Variants in ADAMTSL1 observed in about 807,000 individuals in gnomAD.
The protein encoded by ADAMTSL1 is ADAMTS-like protein 1.
In ADAMTSL1, 126 loss-of-function variants were observed where a neutral mutation model predicts 201.8. The observed-to-expected ratio is 0.62, with a 90% CI of 0.54 to 0.72. The LOEUF (loss-of-function observed/expected upper bound fraction) is 0.72. Ranked by LOEUF, ADAMTSL1 falls within the 30% of genes least tolerant of loss-of-function variation. The pLI, the probability that ADAMTSL1 is intolerant of heterozygous loss-of-function variation, is 0.00. For synonymous variants in ADAMTSL1, 1,121 were observed against 903.4 expected, an observed-to-expected ratio of 1.24 and a Z score of -4.32; for missense variants, 2,679 against 2,277.8, an observed-to-expected ratio of 1.18 and a Z score of -3.59.
At chr9:18,562,764 A>G (rs547938273) in intron 3 of ADAMTSL1, among the ~76,000 whole-genome samples, 1 of 152,230 alleles carries the variant, frequency 6.6e-6, no homozygotes, top group East Asian at 1.9e-4. Context: ...TTTCATTAAG[A>G]TGATCTTCAA....
intron 1 of ADAMTSL1, among the ~76,000 whole-genome samples, chr9:17,932,807 A>C (rs987273103): frequency 1.3e-5 from 2 of 152,154 alleles, no homozygotes; most frequent in African/African-American, 4.8e-5. Context: ...AAACAAATAA[A>C]AGTCAATTGC....
intron 23 of ADAMTSL1, among the ~76,000 whole-genome samples, chr9:18,834,297 T>A (rs1156474979): frequency 6.6e-6 from 1 of 152,192 alleles, no homozygotes; most frequent in African/African-American, 2.4e-5. Flanking sequence ...ATTTTAACAA[T>A]GTTGATTCTT....
At chr9:17,971,529 G>T (rs921534163) in intron 1 of ADAMTSL1, among the ~76,000 whole-genome samples, 27 of 138,778 alleles carry the variant, frequency 1.9e-4, no homozygotes, top group Admixed American at 1.1e-3. Context: ...ACGTTTCACA[G>T]AGAGAACAAT....
chr9:18,489,786 A>T (rs1439961241), intron 1 of ADAMTSL1, among the ~76,000 whole-genome samples: 1 of 152,178 alleles, frequency 6.6e-6, no homozygotes, highest in African/African-American at 2.4e-5. Flanking sequence ...TGACCGACTT[A>T]CCCAACTGTA....
At chr9:18,469,511 C>T (rs7867766), upstream of ADAMTSL1, among the ~76,000 whole-genome samples, 81,021 of 152,082 alleles carry the variant, frequency 0.53, 21,702 homozygotes, top group Admixed American at 0.55. Flanking sequence ...AACTTGAGCT[C>T]TCTGAAGATT....
chr9:18,451,570 T>A (rs551282121), intron 2 of ADAMTSL1, among the ~76,000 whole-genome samples: 3 of 152,300 alleles, frequency 2.0e-5, no homozygotes, highest in Non-Finnish European at 4.4e-5. Flanking sequence ...CTCAACCAGC[T>A]CTTGTGTAAA....
chr9:18,042,928 A>T (rs1240837526), intron 1 of ADAMTSL1, among the ~76,000 whole-genome samples: 2 of 152,170 alleles, frequency 1.3e-5, no homozygotes, highest in African/African-American at 4.8e-5. Flanking sequence ...GAAAAAATTC[A>T]CGGGGGAACC....
intron 1 of ADAMTSL1, among the ~76,000 whole-genome samples, chr9:18,496,448 C>T (rs551292672): frequency 2.9e-4 from 44 of 152,284 alleles, no homozygotes; most frequent in South Asian, 1.5e-3. Flanking sequence ...AACCACATCC[C>T]GCATCCCATG....
At chr9:17,968,357 T>G (rs550677197) in intron 1 of ADAMTSL1, among the ~76,000 whole-genome samples, 1 of 152,256 alleles carries the variant, frequency 6.6e-6, no homozygotes, top group African/African-American at 2.4e-5. Context: ...AGAGAAGAAC[T>G]GAGGGAATAG....
At chr9:18,284,547 T>C (rs1832923027) in intron 2 of ADAMTSL1, among the ~76,000 whole-genome samples, 1 of 152,220 alleles carries the variant, frequency 6.6e-6, no homozygotes, top group Non-Finnish European at 1.5e-5. Context: ...GAAACAGGTG[T>C]AAATAACAGA....
intron 3 of ADAMTSL1, among the ~76,000 whole-genome samples, chr9:18,572,411 G>A: frequency 6.6e-6 from 1 of 152,048 alleles, no homozygotes; most frequent in Non-Finnish European, 1.5e-5. Flanking sequence ...TTAATAATTG[G>A]TAAATTTTAT....
intron 16 of ADAMTSL1, among the ~76,000 whole-genome samples, chr9:18,766,068 G>A (rs1387094252): frequency 6.6e-6 from 1 of 151,878 alleles, no homozygotes; most frequent in Non-Finnish European, 1.5e-5. Context: ...AAAAAAGTCT[G>A]GCTGGAGTAC....
chr9:18,723,573 C>T (rs1481715954), intron 15 of ADAMTSL1: 3 of 156,392 alleles, frequency 1.9e-5, no homozygotes, highest in Non-Finnish European at 4.2e-5. Context: ...AGTTGTTGAG[C>T]TTAATGTTGT....
At chr9:18,702,292 T>C (rs565565413) in intron 13 of ADAMTSL1, among the ~76,000 whole-genome samples, 105 of 152,306 alleles carry the variant, frequency 6.9e-4, no homozygotes, top group African/African-American at 1.2e-3. Flanking sequence ...CATGTAGACA[T>C]ACACCTAGAG....
chr9:18,682,047 C>A (rs1830533797), intron 12 of ADAMTSL1, 88 bp downstream of exon 12: 1 of 1,353,370 alleles, frequency 7.4e-7, no homozygotes. Flanking sequence ...TTTTAAGTAT[C>A]CCAAGTATTC....
chr9:18,622,151 G>A (rs1224522376), intron 4 of ADAMTSL1, 92 bp from the exon 5 acceptor site: 2 of 1,525,966 alleles, frequency 1.3e-6, no homozygotes, highest in African/African-American at 1.4e-5. Context: ...CCTCAGGGAT[G>A]AAGGGAGGGT....
intron 1 of ADAMTSL1, among the ~76,000 whole-genome samples, chr9:18,074,854 G>C (rs1402791421): frequency 1.3e-5 from 2 of 152,180 alleles, no homozygotes; most frequent in African/African-American, 4.8e-5. Context: ...GCCTCCTGAA[G>C]TGCTGGGATT....
At chr9:18,248,852 T>C (rs1262872697) in intron 2 of ADAMTSL1, among the ~76,000 whole-genome samples, 1 of 152,204 alleles carries the variant, frequency 6.6e-6, no homozygotes, top group Non-Finnish European at 1.5e-5. Context: ...ATTGTGTGTA[T>C]TATATTTTTT....
chr9:18,464,074 T>C (rs370393833), intron 2 of ADAMTSL1, among the ~76,000 whole-genome samples: 1 of 152,256 alleles, frequency 6.6e-6, no homozygotes, highest in African/African-American at 2.4e-5. Context: ...TTGTTGTTGC[T>C]GTTGTTCTTT....
Sources: gnomAD v4.1 joint callset for allele counts (sites outside exome capture counted in the v4.1 genomes callset) on GRCh38, gnomAD v4.1.1 for gene constraint, MANE v1.5 for transcripts, NCBI Gene and HGNC (gene_info 2026-07-23, HGNC 2026-07-21) for gene names.